NAV2: variants seen among roughly 807,000 people sequenced by gnomAD.
NAV2 encodes neuron navigator 2.
A neutral mutation model predicts 223.2 loss-of-function variants in NAV2; 54 were observed. The observed-to-expected ratio is 0.24, with a 90% CI of 0.19 to 0.30. NAV2 has a LOEUF of 0.30. Among genes scored for constraint, NAV2 ranks in the 10% least tolerant of loss-of-function variants. The pLI is 1.00. For missense variants in NAV2, 2,806 were observed against 3,147.5 expected (o/e 0.89, Z 2.60); for synonymous variants, 1,279 against 1,239.3 (o/e 1.03, Z -0.67).
intron 1 of NAV2, among the ~76,000 whole-genome samples, chr11:19,559,908 C>T (rs1029471799): frequency 1.3e-5 from 2 of 152,130 alleles, no homozygotes; most frequent in Non-Finnish European, 2.9e-5. Flanking sequence ...CCCCTGGGGG[C>T]GGATAGATGG....
intron 1 of NAV2, among the ~76,000 whole-genome samples, chr11:19,542,955 C>A (rs773313377): frequency 2.6e-5 from 4 of 152,150 alleles, no homozygotes; most frequent in Non-Finnish European, 4.4e-5. Context: ...GGGATGAAGC[C>A]CGTTTCCCTT....
intron 1 of NAV2, among the ~76,000 whole-genome samples, chr11:19,358,220 C>G (rs1853730877): frequency 6.6e-6 from 1 of 152,104 alleles, no homozygotes; most frequent in Admixed American, 6.5e-5. Context: ...GATGGCAGAG[C>G]AGGAGTAGAT....
At chr11:19,645,146 G>C (rs1337718813) in intron 1 of NAV2, among the ~76,000 whole-genome samples, 1 of 152,206 alleles carries the variant, frequency 6.6e-6, no homozygotes, top group African/African-American at 2.4e-5. Context: ...TCCTTCTGGA[G>C]GCTCTAAAGA....
rs1228325811 is a variant in NAV2 at position 19,770,674 on chromosome 11, C to T, written c.267+56712C>T. 2.0e-5 allele frequency among the ~76,000 whole-genome samples: 3 copies of T among 152,168 alleles called. No individual in the cohort carries two copies. The East Asian group carries it at 5.8e-4, about 29-fold the overall frequency. The stretch of plus-strand genomic sequence containing the variant: ...GCTTGAATAAGTAAAAAACCACTTA[C>T]CCTGGAGCTTTCAAATTAGTCTTCA... On this transcript the variant is annotated intron_variant, in intron 1 of 37. Transcript: ENST00000349880.
At chr11:19,497,131 A>G (rs1459379165) in intron 1 of NAV2, among the ~76,000 whole-genome samples, 7 of 152,212 alleles carry the variant, frequency 4.6e-5, no homozygotes, top group Non-Finnish European at 7.3e-5. Context: ...TCCTGGTGTT[A>G]TCACATATTG....
intron 1 of NAV2, among the ~76,000 whole-genome samples, chr11:19,676,382 C>T (rs969998511): frequency 2.0e-5 from 3 of 152,156 alleles, no homozygotes; most frequent in Non-Finnish European, 4.4e-5. Flanking sequence ...GAAGATAATA[C>T]TACCAATCCT....
intron 14 of NAV2, 115 bp downstream of exon 14, chr11:20,045,785 A>G (rs1382249994): frequency 2.2e-6 from 2 of 894,892 alleles, no homozygotes; most frequent in East Asian, 5.3e-5. Context: ...GTCCTCCAGT[A>G]AAGCTGTTTT....
chr11:20,004,016 AT>A (rs1181353067), intron 11 of NAV2, among the ~76,000 whole-genome samples: 1 of 152,176 alleles, frequency 6.6e-6, no homozygotes, highest in Admixed American at 6.5e-5. Context: ...TCTTAGGAAA[AT>A]TGCATCCAGT....
chr11:19,921,885 G>A (rs182451679), intron 6 of NAV2, among the ~76,000 whole-genome samples: 1 of 152,316 alleles, frequency 6.6e-6, no homozygotes, highest in East Asian at 1.9e-4. Context: ...TGTAAATGTT[G>A]AATGTTATCC....
At chr11:19,930,196 A>AG (rs1565579206) in intron 6 of NAV2, among the ~76,000 whole-genome samples, 12 of 152,324 alleles carry the variant, frequency 7.9e-5, no homozygotes, top group Admixed American at 7.8e-4. Context: ...GTCATGTGAT[A>AG]TAAACCAGGC....
chr11:20,026,597 A>G (rs760614070), intron 11 of NAV2, among the ~76,000 whole-genome samples: 5 of 152,214 alleles, frequency 3.3e-5, no homozygotes, highest in Non-Finnish European at 7.3e-5. Flanking sequence ...GGCGTGAGCC[A>G]TCGTGCCTGG....
chr11:20,080,314 C>T, intron 25 of NAV2, 105 bp downstream of exon 25: 1 of 1,097,870 alleles, frequency 9.1e-7, no homozygotes, highest in Non-Finnish European at 1.3e-6. Flanking sequence ...ATCTGTGGAA[C>T]ATAGCACTTT....
At chr11:20,058,907 A>T (rs1308989311) in intron 19 of NAV2, among the ~76,000 whole-genome samples, 2 of 152,184 alleles carry the variant, frequency 1.3e-5, no homozygotes, top group African/African-American at 2.4e-5. Flanking sequence ...TATAATTGTC[A>T]TATTATAGCC....
intron 1 of NAV2, among the ~76,000 whole-genome samples, chr11:19,676,717 T>C (rs1396290222): frequency 6.6e-6 from 1 of 152,188 alleles, no homozygotes; most frequent in African/African-American, 2.4e-5. Context: ...TGTTGGCACT[T>C]TGGCTCTCAG....
chr11:19,709,024 T>C (rs983253589), upstream of NAV2, among the ~76,000 whole-genome samples: 3 of 152,088 alleles, frequency 2.0e-5, no homozygotes, highest in African/African-American at 4.8e-5. Flanking sequence ...TTGCAAAACA[T>C]TGATTTAAAA....
chr11:19,981,108 T>C (rs1194106626), intron 10 of NAV2: 1 of 152,198 alleles, frequency 6.6e-6, no homozygotes. Context: ...GTCAGACTAG[T>C]TGCATTCACC....
intron 1 of NAV2, among the ~76,000 whole-genome samples, chr11:19,457,976 C>T (rs1852015805): frequency 6.6e-6 from 1 of 152,152 alleles, no homozygotes; most frequent in Non-Finnish European, 1.5e-5. Flanking sequence ...GCAGGGGGTC[C>T]TCCCTTCCAA....
At chr11:20,020,563 A>G (rs1236224184) in intron 11 of NAV2, among the ~76,000 whole-genome samples, 2 of 152,222 alleles carry the variant, frequency 1.3e-5, no homozygotes, top group African/African-American at 4.8e-5. Context: ...GTAGCTGCAA[A>G]TAATTCAGAG....
intron 1 of NAV2, among the ~76,000 whole-genome samples, chr11:19,769,988 A>G (rs1387975412): frequency 6.6e-6 from 1 of 152,154 alleles, no homozygotes; most frequent in Non-Finnish European, 1.5e-5. Context: ...CCACAGGGAA[A>G]ATAAAATAAA....
Sources: gnomAD v4.1 joint callset for allele counts (sites outside exome capture counted in the v4.1 genomes callset) on GRCh38, gnomAD v4.1.1 for gene constraint, MANE v1.5 for transcripts, NCBI Gene and HGNC (gene_info 2026-07-23, HGNC 2026-07-21) for gene names.